Variants in UBE2D2 observed in about 807,000 individuals in gnomAD.
The protein encoded by UBE2D2 is ubiquitin conjugating enzyme E2 D2.
Under a neutral mutation model 24.2 loss-of-function variants are expected in UBE2D2, and 2 were observed. The ratio of observed to expected loss-of-function variants is 0.08; its 90% CI spans 0.03 to 0.26. The LOEUF (loss-of-function observed/expected upper bound fraction) is 0.26, where lower values mean the gene tolerates loss of function less well. Among genes scored for constraint, UBE2D2 ranks in the 10% least tolerant of loss-of-function variants. The pLI is 1.00. For synonymous variants in UBE2D2, 58 were observed against 56.5 expected (o/e 1.03, Z -0.12); for missense variants, 44 against 177.6 (o/e 0.25, Z 4.28).
chr5:139,572,425 C>G (rs1209454495), intron 1 of UBE2D2, among the ~76,000 whole-genome samples: 1 of 151,972 alleles, frequency 6.6e-6, no homozygotes, highest in Admixed American at 6.6e-5. Flanking sequence ...ATAGCAAGAC[C>G]CTGTGTCTAC....
intron 1 of UBE2D2, among the ~76,000 whole-genome samples, chr5:139,535,327 G>A (rs1752654561): frequency 6.6e-6 from 1 of 150,966 alleles, no homozygotes; most frequent in Non-Finnish European, 1.5e-5. Context: ...ATGGTGGCGG[G>A]CACCTGTAGT....
At chr5:139,617,959 A>T (rs1156910073) in intron 5 of UBE2D2, among the ~76,000 whole-genome samples, 1 of 151,914 alleles carries the variant, frequency 6.6e-6, no homozygotes, top group East Asian at 1.9e-4. Context: ...ATCTTAAAAA[A>T]AAATTATTAT....
Position 139,617,961 on chromosome 5 carries a change from AATT to A in UBE2D2, c.304+3011_304+3013del, listed in dbSNP as rs373075947. On this transcript the variant is annotated intron_variant, in intron 5 of 6. Transcript: ENST00000398733. The stretch of plus-strand genomic sequence containing the variant: ...ATGTCAAGACTCAATCTTAAAAAAA[AATT>A]ATTATTATTATTATTTGTTTTTTTT... 2.2e-3 allele frequency among the ~76,000 whole-genome samples: 339 copies of A among 151,758 alleles called. 1 individual carries two copies. Among genetic ancestry groups the A allele is most frequent in the African/African-American group, 4.3e-3 (178 of 41,362 alleles).
chr5:139,607,083 C>T (rs1162627547), intron 2 of UBE2D2, among the ~76,000 whole-genome samples: 2 of 152,160 alleles, frequency 1.3e-5, no homozygotes, highest in Non-Finnish European at 2.9e-5. Flanking sequence ...GGATTACAGG[C>T]GTGAGCCACC....
chr5:139,622,476 C>G (rs1187909479), intron 5 of UBE2D2, among the ~76,000 whole-genome samples: 1 of 150,830 alleles, frequency 6.6e-6, no homozygotes, highest in East Asian at 2.0e-4. Context: ...ATCTCTTGAT[C>G]TCGTGATCCA....
At chr5:139,526,485 C>G (rs918915648) in exon 1 of UBE2D2, 1 of 152,338 alleles carries the variant, frequency 6.6e-6, no homozygotes, top group Non-Finnish European at 1.5e-5. Context: ...AGAGCGCTCC[C>G]GGGTAGGAAA....
rs935594990 is a variant in UBE2D2, at chr5:139,626,773, G to A, written c.416G>A (p.Arg139Gln). 3.1e-6 allele frequency: 5 copies of A among 1,613,774 alleles called. No homozygotes were observed. In the African/African-American group the frequency reaches 4.0e-5, roughly 13 times the overall value. ...GTGTACAGGTACAACAGAATAGCTC[G>A]GGAATGGACTCAGAAGTATGCGATG... is the stretch of plus-strand genomic sequence containing the variant. The part of the protein sequence containing the change: ...TDREKYNRIA[R>Q]EWTQKYAM The change falls in exon 7 of 7, where the codon CGG (arginine) becomes CAG (glutamine). Residue 139 changes from arginine to glutamine, a missense_variant. Arg to Gln is a conservative substitution (Grantham distance 43). This residue lies in a region of UBE2D2 where 21 missense variants were observed against 35.7 expected (regional missense o/e 0.59). Transcript: ENST00000398733.
chr5:139,585,779 T>C (rs1753714542), intron 1 of UBE2D2, among the ~76,000 whole-genome samples: 1 of 151,608 alleles, frequency 6.6e-6, no homozygotes, highest in Non-Finnish European at 1.5e-5. Flanking sequence ...GAGAAGAGTT[T>C]GTGCAGAGGT....
chr5:139,540,287 C>T (rs947681430), intron 1 of UBE2D2, among the ~76,000 whole-genome samples: 3 of 152,110 alleles, frequency 2.0e-5, no homozygotes, highest in Non-Finnish European at 4.4e-5. Flanking sequence ...ACTCTCTGTA[C>T]TATTTTTGCT....
rs1754641431 is a variant in UBE2D2 at position 139,626,917 on chromosome 5, G to A, written c.*116G>A. The stretch of plus-strand genomic sequence containing the variant: ...GAGCCCACGCCTCATCTTCCCCTGT[G>A]CACATGTTTACCTGATACAGCAGTG... On this transcript the variant is annotated 3_prime_UTR_variant, in exon 7 of 7. Transcript: ENST00000398733. The A allele has an allele frequency of 2.5e-6, 2 of 810,056 alleles. No homozygotes were observed. Among genetic ancestry groups the A allele is most frequent in the South Asian group, 1.5e-5 (1 of 65,394 alleles). 50.2% of individuals were successfully genotyped at this position (810,056 alleles called of 1,614,324 possible).
intron 1 of UBE2D2, among the ~76,000 whole-genome samples, chr5:139,590,400 A>C (rs1187957590): frequency 6.6e-6 from 1 of 151,178 alleles, no homozygotes; most frequent in Non-Finnish European, 1.5e-5. Context: ...ACACCACTGC[A>C]CTTCAGCCTG....
chr5:139,549,770 A>G (rs195673), intron 1 of UBE2D2, among the ~76,000 whole-genome samples: 152,114 of 152,352 alleles, frequency 1, 75,946 homozygotes, highest in Middle Eastern at 1. Context: ...GCCCCGGCCC[A>G]GCACAGGATC....
chr5:139,606,994 C>T (rs190482121), intron 2 of UBE2D2, among the ~76,000 whole-genome samples: 62 of 152,128 alleles, frequency 4.1e-4, no homozygotes, highest in South Asian at 2.1e-3. Flanking sequence ...TTAGTAGAGA[C>T]GGTATTTCAC....
At chr5:139,605,487 G>T (rs1460530242) in intron 2 of UBE2D2, among the ~76,000 whole-genome samples, 1 of 150,820 alleles carries the variant, frequency 6.6e-6, no homozygotes, top group East Asian at 2.0e-4. Context: ...AGCTATTCAG[G>T]AGGCTGAGGC....
intron 6 of UBE2D2, 166 bp downstream of exon 6, chr5:139,623,627 G>A (rs1166324062): frequency 6.2e-6 from 3 of 484,696 alleles, no homozygotes; most frequent in Non-Finnish European, 1.1e-5. Flanking sequence ...ATTATTATAA[G>A]TAGATGATGC....
intron 1 of UBE2D2, among the ~76,000 whole-genome samples, chr5:139,541,174 T>C (rs1752756335): frequency 6.6e-6 from 1 of 151,642 alleles, no homozygotes; most frequent in East Asian, 1.9e-4. Flanking sequence ...AGCATGTGCC[T>C]GTAATCCTAG....
intron 1 of UBE2D2, among the ~76,000 whole-genome samples, chr5:139,549,051 T>C (rs1034842944): frequency 1.3e-5 from 2 of 152,100 alleles, no homozygotes; most frequent in African/African-American, 4.8e-5. Flanking sequence ...GGTTTTGCCA[T>C]GTTGGTCAGG....
At chr5:139,541,690 T>C (rs778226475) in intron 1 of UBE2D2, among the ~76,000 whole-genome samples, 8 of 151,246 alleles carry the variant, frequency 5.3e-5, no homozygotes, top group Non-Finnish European at 1.0e-4. Context: ...GGAGGATCAT[T>C]TGACTCCAGG....
chr5:139,563,031 G>C (rs941828162), intron 1 of UBE2D2, among the ~76,000 whole-genome samples: 1 of 152,138 alleles, frequency 6.6e-6, no homozygotes, highest in Non-Finnish European at 1.5e-5. Context: ...TCCTGTCTCT[G>C]CCTCCCTTAA....
Sources: allele counts gnomAD v4.1 joint callset (sites outside exome capture counted in the v4.1 genomes callset), GRCh38; gene constraint gnomAD v4.1.1; regional missense constraint gnomAD v4.1.1; transcripts MANE v1.5; gene names NCBI Gene and HGNC (gene_info 2026-07-23, HGNC 2026-07-21).